PCBP3: variants seen among roughly 807,000 people sequenced by gnomAD.
The protein encoded by PCBP3 is poly(rC) binding protein 3.
Under a neutral mutation model 52.7 loss-of-function variants are expected in PCBP3, and 25 were observed. The ratio of observed to expected loss-of-function variants is 0.47; its 90% CI spans 0.35 to 0.66. The LOEUF (loss-of-function observed/expected upper bound fraction) is 0.66, where lower values mean the gene tolerates loss of function less well. Among genes scored for constraint, PCBP3 ranks in the 30% least tolerant of loss-of-function variants. The pLI, the probability that PCBP3 is intolerant of heterozygous loss-of-function variation, is 0.01. For synonymous variants in PCBP3, 162 were observed against 183.0 expected (o/e 0.89, Z 0.93); for missense variants, 391 against 490.3 (o/e 0.80, Z 1.91).
intron 1 of PCBP3, among the ~76,000 whole-genome samples, chr21:45,660,612 C>G (rs2080326471): frequency 6.6e-6 from 1 of 152,038 alleles, no homozygotes; most frequent in Admixed American, 6.5e-5. Flanking sequence ...TTAGGGGTTA[C>G]TTGGGGTCTT....
chr21:45,748,848 G>C (rs946090267), intron 3 of PCBP3, among the ~76,000 whole-genome samples: 1 of 152,210 alleles, frequency 6.6e-6, no homozygotes, highest in Non-Finnish European at 1.5e-5. Context: ...TCCAGAGACT[G>C]TGTTCTGCTT....
chr21:45,872,669 C>T (rs2095079688), intron 5 of PCBP3: 1 of 152,242 alleles, frequency 6.6e-6, no homozygotes, highest in South Asian at 2.1e-4. Flanking sequence ...GTGCCCCTGC[C>T]ACTGTGTGGC....
At chr21:45,769,376 T>C (rs1049747200) in intron 4 of PCBP3, among the ~76,000 whole-genome samples, 3 of 152,230 alleles carry the variant, frequency 2.0e-5, no homozygotes, top group Non-Finnish European at 4.4e-5. Flanking sequence ...CAGTGCGTGC[T>C]CACCATTAGA....
chr21:45,846,292 A>C (rs1194751694), intron 4 of PCBP3, among the ~76,000 whole-genome samples: 1 of 152,222 alleles, frequency 6.6e-6, no homozygotes, highest in African/African-American at 2.4e-5. Context: ...TACCAAGGAA[A>C]TAGCCTTTGG....
chr21:45,653,163 A>T (rs910192772), intron 1 of PCBP3, among the ~76,000 whole-genome samples: 3 of 152,238 alleles, frequency 2.0e-5, no homozygotes, highest in African/African-American at 7.2e-5. Context: ...CTTGTAGCCC[A>T]GAATATGGTA....
rs779501524 is a variant in PCBP3, at chr21:45,681,546, A to G, written c.-200+12594A>G. On this transcript the variant is annotated intron_variant, in intron 2 of 17. Coordinates refer to ENST00000681687, the MANE Select transcript of PCBP3 (RefSeq NM_001384156.1). ...TTTGGTCAAGGAATCACTCTTGCTA[A>G]AAGTCTGAAACCTCATGGTTTCATA... Among the ~76,000 whole-genome samples, 193 of 152,316 alleles carry G rather than the reference A, an allele frequency of 1.3e-3. 1 individual carries two copies. The highest frequency in any genetic ancestry group is 1.5e-3 in the Non-Finnish European group (101 of 68,024).
At chr21:45,793,632 G>A (rs2091755040) in intron 4 of PCBP3, among the ~76,000 whole-genome samples, 1 of 152,178 alleles carries the variant, frequency 6.6e-6, no homozygotes, top group Non-Finnish European at 1.5e-5. Flanking sequence ...TGAGGACCGA[G>A]TTTCAGATAC....
At chr21:45,794,086 G>A (rs1484027059) in intron 4 of PCBP3, among the ~76,000 whole-genome samples, 1 of 152,172 alleles carries the variant, frequency 6.6e-6, no homozygotes, top group East Asian at 1.9e-4. Context: ...ATATGTATCT[G>A]TATAATGATG....
At position 45,781,577 on chromosome 21, in the gene PCBP3, A is replaced by G. The variant is rs140079454; in HGVS notation, c.-126+26125A>G. ...CAGTTACTTTGGAAACATTTTGGCA[A>G]TCAAACCAAGAGCTTATTAAATACG... On this transcript the variant is annotated intron_variant, in intron 4 of 17. Transcript: ENST00000681687. Among the ~76,000 whole-genome samples the G allele has an allele frequency of 2.3e-4, 35 of 152,328 alleles. 1 individual carries two copies. The East Asian group carries it at 5.8e-3, about 25-fold the overall frequency.
intron 12 of PCBP3, chr21:45,914,581 A>C: frequency 6.3e-6 from 1 of 157,570 alleles, no homozygotes; most frequent in East Asian, 1.9e-4. Context: ...CCCCATACCC[A>C]GTCTGCAGAT....
chr21:45,747,926 C>T (rs76956774), intron 3 of PCBP3: 2,162 of 152,316 alleles, frequency 0.014, 19 homozygotes, highest in Non-Finnish European at 0.018. Flanking sequence ...GAGTGCTGCC[C>T]TCCCGGAGGT....
chr21:45,900,237 G>C (rs1200831055), intron 7 of PCBP3, among the ~76,000 whole-genome samples: 3 of 152,230 alleles, frequency 2.0e-5, no homozygotes, highest in African/African-American at 7.2e-5. Context: ...CCGGGAGGCT[G>C]AGCCAGAGTG....
chr21:45,857,419 C>T (rs2094343386), intron 5 of PCBP3, among the ~76,000 whole-genome samples: 1 of 152,108 alleles, frequency 6.6e-6, no homozygotes, highest in Non-Finnish European at 1.5e-5. Flanking sequence ...TCACGGAGGC[C>T]CCTCTCCAGA....
chr21:45,698,983 A>G (rs1467741799), intron 2 of PCBP3, among the ~76,000 whole-genome samples: 5 of 152,160 alleles, frequency 3.3e-5, no homozygotes, highest in Non-Finnish European at 5.9e-5. Context: ...ACTTTTCTCC[A>G]ATAGCAAGCT....
intron 16 of PCBP3, among the ~76,000 whole-genome samples, chr21:45,938,011 G>C (rs1379020024): frequency 6.6e-6 from 1 of 152,254 alleles, no homozygotes. Flanking sequence ...TGGGGAGATG[G>C]GCACCCTGAG....
chr21:45,814,678 GTGGTGA>G (rs2092799218), intron 4 of PCBP3, among the ~76,000 whole-genome samples: 2 of 138,884 alleles, frequency 1.4e-5, no homozygotes, highest in Admixed American at 7.0e-5. Flanking sequence ...TGAGTGGTGA[GTGGTGA>G]GTGAGTGGTG....
intron 2 of PCBP3, among the ~76,000 whole-genome samples, chr21:45,692,513 G>T (rs142575546): frequency 1.3e-5 from 2 of 152,136 alleles, no homozygotes; most frequent in East Asian, 3.9e-4. Context: ...TTTAGCCAGC[G>T]TATTAAACAA....
chr21:45,760,659 A>G (rs950566757), intron 4 of PCBP3: 5 of 152,242 alleles, frequency 3.3e-5, no homozygotes, highest in Non-Finnish European at 7.3e-5. Context: ...TAATGGGGAG[A>G]AAAATCCAAA....
intron 12 of PCBP3, 127 bp downstream of exon 12, chr21:45,914,152 G>A: frequency 6.6e-7 from 1 of 1,512,422 alleles, no homozygotes; most frequent in Admixed American, 2.0e-5. Flanking sequence ...CCGTGCTGGA[G>A]GCAGAGCTCT....
Sources: gnomAD v4.1 joint callset for allele counts (sites outside exome capture counted in the v4.1 genomes callset) on GRCh38, gnomAD v4.1.1 for gene constraint, MANE v1.5 for transcripts, NCBI Gene and HGNC (gene_info 2026-07-23, HGNC 2026-07-21) for gene names.